The following PDE9A variants were observed in gnomAD, a reference collection of about 807,000 sequenced individuals.
PDE9A encodes phosphodiesterase 9A.
Under a neutral mutation model 87.4 loss-of-function variants are expected in PDE9A, and 60 were observed. That is an observed-to-expected ratio of 0.69 (90% confidence interval 0.56 to 0.85). PDE9A has a LOEUF of 0.85. Among genes scored for constraint, PDE9A ranks in the 40% least tolerant of loss-of-function variants. PDE9A has a pLI of 0.00. For missense variants in PDE9A, 665 were observed against 779.0 expected, an observed-to-expected ratio of 0.85 and a Z score of 1.74; for synonymous variants, 272 against 279.4, an observed-to-expected ratio of 0.97 and a Z score of 0.27.
chr21:42,745,623 T>C (rs1193883045), intron 8 of PDE9A, among the ~76,000 whole-genome samples: 1 of 152,228 alleles, frequency 6.6e-6, no homozygotes, highest in African/African-American at 2.4e-5. Context: ...GCACCGCCCT[T>C]GGCCGTGGGC....
chr21:42,673,145 C>T (rs2058655723), intron 1 of PDE9A, among the ~76,000 whole-genome samples: 1 of 152,166 alleles, frequency 6.6e-6, no homozygotes, highest in Non-Finnish European at 1.5e-5. Flanking sequence ...TCTCGCTTTG[C>T]AGCCGAAGAA....
intron 19 of PDE9A, 26 bp downstream of exon 19, chr21:42,772,546 A>G (rs377299718): frequency 8.0e-5 from 114 of 1,430,854 alleles, no homozygotes; most frequent in Non-Finnish European, 1.1e-4. Context: ...CTGAAGTGGC[A>G]TCTCAGCGCA....
intron 4 of PDE9A, among the ~76,000 whole-genome samples, chr21:42,731,289 G>A (rs1364131869): frequency 5.3e-5 from 8 of 152,160 alleles, no homozygotes; most frequent in Admixed American, 4.6e-4. Flanking sequence ...TGTTTATAGT[G>A]GAGGGTTAGA....
intron 10 of PDE9A, among the ~76,000 whole-genome samples, chr21:42,755,304 C>T (rs1035805325): frequency 6.6e-6 from 1 of 152,230 alleles, no homozygotes. Flanking sequence ...GGGGCACTGC[C>T]CTCTCCTAAG....
chr21:42,680,607 G>T (rs989855114), intron 1 of PDE9A, among the ~76,000 whole-genome samples: 1 of 152,244 alleles, frequency 6.6e-6, no homozygotes. Flanking sequence ...GCCTGACAGG[G>T]CTGGGCCATG....
intron 7 of PDE9A, 70 bp downstream of exon 7, chr21:42,733,496 C>CA (rs1446317157): frequency 3.4e-6 from 3 of 877,668 alleles, no homozygotes; most frequent in Non-Finnish European, 5.9e-6. Flanking sequence ...CCACTTGGAA[C>CA]GGGGAGGAGT....
In PDE9A at chr21:42,679,175, G is replaced by A. The variant is rs141246617; in HGVS notation, c.70-7017G>A. ...CACAGGCTGTGGGCAAGGAAGTGTC[G>A]ATGCCAGGCTGGCTCAGTAGGTGGA... On this transcript the variant is annotated intron_variant, in intron 1 of 19. Coordinates refer to ENST00000291539, the MANE Select transcript of PDE9A (RefSeq NM_002606.3). Among the ~76,000 whole-genome samples, 1,015 of 152,254 alleles carry A rather than the reference G, an allele frequency of 6.7e-3. 21 individuals carry two copies. Among genetic ancestry groups the A allele is most frequent in the African/African-American group, 0.023 (962 of 41,556 alleles).
rs117806929 is a variant in PDE9A, at chr21:42,668,857, G to A, written c.69+14974G>A. The stretch of plus-strand genomic sequence containing the variant: ...GTCCTGCGCATGAACATCCTCCGTC[G>A]GGAGAGGAATTCCCCACGGATTATC... On this transcript the variant is annotated intron_variant, in intron 1 of 19. Coordinates refer to ENST00000291539, the MANE Select transcript of PDE9A (RefSeq NM_002606.3). Among the ~76,000 whole-genome samples, 609 of 148,508 alleles carry A rather than the reference G, an allele frequency of 4.1e-3. 4 individuals carry two copies. The highest frequency in any genetic ancestry group is 0.011 in the Middle Eastern group (3 of 278).
At position 42,759,819 on chromosome 21, in the gene PDE9A, G is replaced by A. The variant is rs1188469810; in HGVS notation, c.898-509G>A. ...TGAGGGTGGATGTGTGCATGTGTGT[G>A]TGTGGATGTGGGGTGTGTGAGTGTG... On this transcript the variant is annotated intron_variant, in intron 11 of 19. Transcript: ENST00000291539. The surrounding 1 kb of genome is among the most constrained non-coding windows in gnomAD (Gnocchi z 7.2). 6.7e-6 allele frequency among the ~76,000 whole-genome samples: 1 copy of A among 150,038 alleles called. No homozygotes were observed. The highest frequency in any genetic ancestry group is 1.5e-5 in the Non-Finnish European group (1 of 67,402).
Position 42,765,421 on chromosome 21 carries a change from ATGC to A in PDE9A, c.1284_1286del (p.His428_Ala429delinsGln). On this transcript the variant is annotated inframe_deletion, in exon 15 of 20. Transcript: ENST00000291539. ...ATCTTGGCCACTGACATGGCAAGAC[ATGC>A]AGAAATTATGGATTCTTTCAAAGAG... is the stretch of plus-strand genomic sequence containing the variant. 2 of 1,612,692 alleles carry A rather than the reference ATGC, an allele frequency of 1.2e-6. No homozygotes were observed. The highest frequency in any genetic ancestry group is 1.7e-6 in the Non-Finnish European group (2 of 1,178,670).
At chr21:42,762,924 CT>C (rs1296231931) in intron 14 of PDE9A, among the ~76,000 whole-genome samples, 7 of 152,178 alleles carry the variant, frequency 4.6e-5, no homozygotes, top group African/African-American at 7.2e-5. Context: ...AACTCCAGAC[CT>C]CAGGTGATCC....
intron 4 of PDE9A, among the ~76,000 whole-genome samples, chr21:42,703,472 C>G (rs1056427683): frequency 4.6e-5 from 7 of 152,166 alleles, no homozygotes; most frequent in African/African-American, 1.7e-4. Context: ...AAAGGCTGGC[C>G]GGGTGTGGGT....
At chr21:42,701,178 A>G (rs1340786702) in intron 4 of PDE9A, 4 of 152,190 alleles carry the variant, frequency 2.6e-5, no homozygotes, top group Admixed American at 2.6e-4. Flanking sequence ...GTACTTAATA[A>G]ATACTGATAA....
chr21:42,688,226 C>T (rs2146199972), intron 3 of PDE9A, among the ~76,000 whole-genome samples: 1 of 152,264 alleles, frequency 6.6e-6, no homozygotes, highest in East Asian at 1.9e-4. Flanking sequence ...GCACCTGCTT[C>T]TCAACGGGAG....
At chr21:42,726,312 T>G (rs2051026667) in intron 4 of PDE9A, among the ~76,000 whole-genome samples, 1 of 152,158 alleles carries the variant, frequency 6.6e-6, no homozygotes, top group South Asian at 2.1e-4. Flanking sequence ...AATTTTCATT[T>G]TGATGAAGTC....
rs1267064176 is a variant in PDE9A, at chr21:42,692,051, C to T, written c.218+4057C>T. 6.6e-6 allele frequency among the ~76,000 whole-genome samples: 1 copy of T among 152,230 alleles called. No homozygotes were observed. Among genetic ancestry groups the T allele is most frequent in the African/African-American group, 2.4e-5 (1 of 41,460 alleles). On this transcript the variant is annotated intron_variant, in intron 3 of 19. Coordinates refer to ENST00000291539, the MANE Select transcript of PDE9A (RefSeq NM_002606.3). The surrounding 1 kb of genome is among the most constrained non-coding windows in gnomAD (Gnocchi z 4.3). Reference sequence around the variant, plus strand: ...TGCGCCTCAGTCTGAAGTGATCTCACTTACTTGTTTGAGGTTCTCACTGCT... The same window carrying T: ...TGCGCCTCAGTCTGAAGTGATCTCATTTACTTGTTTGAGGTTCTCACTGCT...
Position 42,705,180 on chromosome 21 carries a change from G to A in PDE9A, c.262+6169G>A, listed in dbSNP as rs563962639. Among the ~76,000 whole-genome samples the A allele has an allele frequency of 7.5e-4, 114 of 152,250 alleles. No homozygotes were observed. Among genetic ancestry groups the A allele is most frequent in the African/African-American group, 2.3e-3 (97 of 41,536 alleles). On this transcript the variant is annotated intron_variant, in intron 4 of 19. Transcript: ENST00000291539. This position sits in a 1 kb window ranked among gnomAD's most constrained non-coding sequence, Gnocchi z 4.3. ...TCTTCTGTAGAAAAATGCTCTCTTC[G>A]CCTGATCATGGGAGGGAATCAAATG... is the stretch of plus-strand genomic sequence containing the variant.
intron 1 of PDE9A, 44 bp downstream of exon 1, chr21:42,653,927 A>ACAGCGCCGGGGCCGGGCGC: frequency 1.7e-6 from 2 of 1,207,910 alleles, no homozygotes; most frequent in Non-Finnish European, 1.2e-6. Context: ...CCCCCGGGTG[A>ACAGCGCCGGGGCCGGGCGC]CAGCGCCGGG....
intron 1 of PDE9A, among the ~76,000 whole-genome samples, chr21:42,658,192 C>T (rs973230628): frequency 6.6e-6 from 1 of 152,188 alleles, no homozygotes; most frequent in African/African-American, 2.4e-5. Flanking sequence ...GGTCCTGGCA[C>T]CCAAGGCCAA....
Sources: allele counts gnomAD v4.1 joint callset (sites outside exome capture counted in the v4.1 genomes callset), GRCh38; gene constraint gnomAD v4.1.1; non-coding constraint Gnocchi (gnomAD v3.1); transcripts MANE v1.5; gene names NCBI Gene and HGNC (gene_info 2026-07-23, HGNC 2026-07-21).